JARID2: variants seen among roughly 807,000 people sequenced by gnomAD.
The protein encoded by JARID2 is protein Jumonji.
In JARID2, 21 loss-of-function variants were observed where a neutral mutation model predicts 125.6. That is an observed-to-expected ratio of 0.17 (90% CI 0.12 to 0.24). The LOEUF is 0.24. Among genes scored for constraint, JARID2 ranks in the 10% least tolerant of loss-of-function variants. The pLI is 1.00. For synonymous variants in JARID2, 736 were observed against 661.6 expected (o/e 1.11, Z -1.73); for missense variants, 1,303 against 1,639.6 (o/e 0.79, Z 3.55).
At chr6:15,274,349 A>G (rs776024956) in intron 1 of JARID2, among the ~76,000 whole-genome samples, 5 of 152,224 alleles carry the variant, frequency 3.3e-5, no homozygotes, top group Non-Finnish European at 7.3e-5. Flanking sequence ...AGAGGTAGGC[A>G]TATGAAGACA....
rs67874437 is a variant in JARID2 at position 15,497,650 on chromosome 6, C to CAAAAAA, written c.1945+490_1945+495dup. Among the ~76,000 whole-genome samples the CAAAAAA allele has an allele frequency of 1.1e-3, 146 of 133,466 alleles. 2 individuals carry two copies. The highest frequency in any genetic ancestry group is 7.9e-3 in the Middle Eastern group (2 of 254). The allele number at this position is 133,466 out of a possible 152,430, so 87.6% of individuals were successfully genotyped here. A position where few individuals can be genotyped will look rare whatever the true frequency, so the allele number is the denominator to read the frequency against. On this transcript the variant is annotated intron_variant, in intron 7 of 17. Transcript: ENST00000341776. ...TGGGTGACAGAGTGAGATTCCGTCT[C>CAAAAAA]AAAAAAAAAAAAAAAGTATTGAGCT...
chr6:15,333,964 G>A (rs2127459380), intron 1 of JARID2, among the ~76,000 whole-genome samples: 1 of 152,258 alleles, frequency 6.6e-6, no homozygotes, highest in Non-Finnish European at 1.5e-5. Context: ...CCCCGAGACT[G>A]GTTTGGATGA....
intron 5 of JARID2, among the ~76,000 whole-genome samples, chr6:15,471,395 G>A (rs1437564448): frequency 6.6e-6 from 1 of 152,170 alleles, no homozygotes; most frequent in East Asian, 1.9e-4. Flanking sequence ...GTTTAATAGA[G>A]ATTGAAGAGT....
intron 3 of JARID2, among the ~76,000 whole-genome samples, chr6:15,446,284 TAG>T (rs755823790): frequency 1.9e-4 from 29 of 152,292 alleles, no homozygotes; most frequent in Non-Finnish European, 3.5e-4. Context: ...GAGACTGCAG[TAG>T]AGAGTCTTGT....
intron 1 of JARID2, among the ~76,000 whole-genome samples, chr6:15,318,470 GT>G (rs1481331803): frequency 6.6e-6 from 1 of 152,194 alleles, no homozygotes; most frequent in Non-Finnish European, 1.5e-5. Context: ...GGTTTTTGTT[GT>G]TTTTTGTTTA....
At chr6:15,343,542 C>T (rs921796548) in intron 1 of JARID2, among the ~76,000 whole-genome samples, 4 of 152,128 alleles carry the variant, frequency 2.6e-5, no homozygotes, top group African/African-American at 9.7e-5. Flanking sequence ...TAGTCTCTTG[C>T]TATAAAATTA....
At chr6:15,362,112 C>G (rs1763818128) in intron 1 of JARID2, among the ~76,000 whole-genome samples, 1 of 151,608 alleles carries the variant, frequency 6.6e-6, no homozygotes, top group South Asian at 2.1e-4. Context: ...GTCTTGAACT[C>G]TTGACCTCAG....
In JARID2 at chr6:15,352,028, G is replaced by C. The variant is rs571499139; in HGVS notation, c.46-22089G>C. Among the ~76,000 whole-genome samples the C allele has an allele frequency of 8.3e-4, 125 of 150,984 alleles. 1 individual carries two copies. The highest frequency in any genetic ancestry group is 6.8e-3 in the Admixed American group (104 of 15,244). The stretch of plus-strand genomic sequence containing the variant: ...AGGCTGTGAGGCATTTAAAATTGAT[G>C]TTGATATTTCTTCCTTTTTAATTTT... On this transcript the variant is annotated intron_variant, in intron 1 of 17. Coordinates refer to ENST00000341776, the MANE Select transcript of JARID2 (RefSeq NM_004973.4).
chr6:15,388,811 A>G (rs1335255643), intron 2 of JARID2, among the ~76,000 whole-genome samples: 1 of 151,896 alleles, frequency 6.6e-6, no homozygotes. Context: ...ACCTGTTACT[A>G]GTGTTCTTGC....
At chr6:15,439,834 C>CGA (rs1767370175) in intron 3 of JARID2, among the ~76,000 whole-genome samples, 1 of 152,172 alleles carries the variant, frequency 6.6e-6, no homozygotes, top group Non-Finnish European at 1.5e-5. Flanking sequence ...CCCAGTCTCA[C>CGA]CCCTGGGAGT....
At chr6:15,438,563 A>G (rs1375455625) in intron 3 of JARID2, among the ~76,000 whole-genome samples, 1 of 152,156 alleles carries the variant, frequency 6.6e-6, no homozygotes, top group African/African-American at 2.4e-5. Flanking sequence ...GACAATTCCA[A>G]CTTCTTTGTT....
At chr6:15,355,188 C>T (rs1429663498) in intron 1 of JARID2, among the ~76,000 whole-genome samples, 1 of 152,154 alleles carries the variant, frequency 6.6e-6, no homozygotes, top group Admixed American at 6.5e-5. Flanking sequence ...AATTATCTGC[C>T]TGTACTTTGT....
Position 15,332,755 on chromosome 6 carries a change from G to T in JARID2, c.46-41362G>T, listed in dbSNP as rs112515701. On this transcript the variant is annotated intron_variant, in intron 1 of 17. Transcript: ENST00000341776. ...GAGCTGGAAAGAGAACAATTTTTTT[G>T]TGTGTGTGTTTGTCCTAAGAAATAA... 6.1e-3 allele frequency among the ~76,000 whole-genome samples: 920 copies of T among 152,056 alleles called. 11 individuals carry two copies. Among genetic ancestry groups the T allele is most frequent in the African/African-American group, 0.021 (876 of 41,444 alleles).
chr6:15,411,149 T>C (rs1243114962), intron 3 of JARID2, among the ~76,000 whole-genome samples: 1 of 151,366 alleles, frequency 6.6e-6, no homozygotes, highest in African/African-American at 2.4e-5. Context: ...CCTGACTTTT[T>C]CTTAGAATTT....
chr6:15,413,008 G>GTTTGTTTTTTTTTTTT (rs1765958572), intron 3 of JARID2, among the ~76,000 whole-genome samples: 1 of 47,474 alleles, frequency 2.1e-5, no homozygotes, highest in East Asian at 5.4e-4. Context: ...TTGTGTTTTT[G>GTTTGTTTTTTTTTTTT]TTTTTTTTTT....
intron 6 of JARID2, among the ~76,000 whole-genome samples, chr6:15,495,161 C>T (rs1208059033): frequency 6.6e-6 from 1 of 152,150 alleles, no homozygotes; most frequent in Non-Finnish European, 1.5e-5. Context: ...GGCAGCAGCC[C>T]ATTGGGGTCC....
chr6:15,306,357 G>A (rs1418878224), intron 1 of JARID2, among the ~76,000 whole-genome samples: 7 of 127,172 alleles, frequency 5.5e-5, no homozygotes, highest in South Asian at 2.5e-4. Flanking sequence ...TTTTTGAGAC[G>A]GAGTTTTGCT....
intron 1 of JARID2, among the ~76,000 whole-genome samples, chr6:15,365,334 C>T (rs919596476): frequency 9.9e-5 from 15 of 152,132 alleles, no homozygotes; most frequent in African/African-American, 3.4e-4. Flanking sequence ...AAAAGCGAAC[C>T]GTCAGATCCA....
chr6:15,417,948 C>T (rs1766309765), intron 3 of JARID2, among the ~76,000 whole-genome samples: 1 of 152,184 alleles, frequency 6.6e-6, no homozygotes. Flanking sequence ...CTCTGTCAGC[C>T]CTACCACAGC....
Sources: allele counts gnomAD v4.1 joint callset (sites outside exome capture counted in the v4.1 genomes callset), GRCh38; gene constraint gnomAD v4.1.1; transcripts MANE v1.5; gene names NCBI Gene and HGNC (gene_info 2026-07-23, HGNC 2026-07-21).